CUX1: variants seen among roughly 807,000 people sequenced by gnomAD.
The protein encoded by CUX1 is protein CASP.
A neutral mutation model predicts 158.8 loss-of-function variants in CUX1; 31 were observed. That is an observed-to-expected ratio of 0.20 (90% confidence interval 0.15 to 0.26). CUX1 has a LOEUF of 0.26. CUX1 is among the 10% of genes least tolerant of loss of function. CUX1 has a pLI of 1.00. For synonymous variants in CUX1, 879 were observed against 862.1 expected (o/e 1.02, Z -0.34); for missense variants, 1,589 against 2,014.6 (o/e 0.79, Z 4.04).
rs1450534111 is a variant in CUX1, at chr7:102,251,993, T to G, written c.*2951T>G. The G allele has an allele frequency of 1.2e-5, 12 of 985,336 alleles. No homozygotes were observed. The highest frequency in any genetic ancestry group is 1.4e-5 in the Non-Finnish European group (12 of 829,934). The allele number at this position is 985,336 out of a possible 1,614,324, so 61.0% of individuals were successfully genotyped here. A position where few individuals can be genotyped will look rare whatever the true frequency, so the allele number is the denominator to read the frequency against. Reference sequence around the variant, plus strand: ...TTTTCTCTTTTCTGTTTTTACTTCTTAGATTTTTAACTAGGTTACTGTTGG... The same window carrying G: ...TTTTCTCTTTTCTGTTTTTACTTCTGAGATTTTTAACTAGGTTACTGTTGG... On this transcript the variant is annotated 3_prime_UTR_variant, in exon 24 of 24. Transcript: ENST00000292535.
chr7:102,262,395 CATGG>C (rs55973199), downstream of CUX1, among the ~76,000 whole-genome samples: 290 of 143,282 alleles, frequency 2.0e-3, 1 homozygote, highest in Admixed American at 5.4e-3. Flanking sequence ...AAGACTCCAT[CATGG>C]ATGGATGGAT....
At chr7:102,099,008 G>T (rs1432824211) in intron 5 of CUX1, among the ~76,000 whole-genome samples, 1 of 151,970 alleles carries the variant, frequency 6.6e-6, no homozygotes, top group Admixed American at 6.6e-5. Flanking sequence ...AAACACTGCA[G>T]ATAGACCAGG....
chr7:102,068,538 G>C (rs113824605), intron 3 of CUX1, among the ~76,000 whole-genome samples: 2 of 152,036 alleles, frequency 1.3e-5, no homozygotes, highest in Admixed American at 1.3e-4. Flanking sequence ...CTTGCATTGC[G>C]CTAGGCTGCT....
chr7:101,897,725 C>G (rs1195113517), intron 1 of CUX1, among the ~76,000 whole-genome samples: 1 of 152,016 alleles, frequency 6.6e-6, no homozygotes, highest in Non-Finnish European at 1.5e-5. Context: ...ATTATCATCC[C>G]CAAATCTTTA....
Position 102,254,736 on chromosome 7 carries a change from G to C in CUX1, c.*5694G>C. ...GAAGCCTTTGTGACCACAAGGGCAG[G>C]GCTTGTGCCCTGAGTGGCGAGGTGG... is the stretch of plus-strand genomic sequence containing the variant. On this transcript the variant is annotated 3_prime_UTR_variant, in exon 24 of 24. Transcript: ENST00000292535. 1.0e-6 allele frequency: 1 copy of C among 985,514 alleles called. No individual in the cohort carries two copies. The highest frequency in any genetic ancestry group is 1.2e-6 in the Non-Finnish European group (1 of 829,968). The allele number at this position is 985,514 out of a possible 1,614,324, so 61.0% of individuals were successfully genotyped here. A position where few individuals can be genotyped will look rare whatever the true frequency, so the allele number is the denominator to read the frequency against.
intron 2 of CUX1, among the ~76,000 whole-genome samples, chr7:101,944,241 G>A (rs1808089799): frequency 6.6e-6 from 1 of 152,136 alleles, no homozygotes; most frequent in African/African-American, 2.4e-5. Flanking sequence ...CAAGAGTCCT[G>A]CAGGATGGAG....
chr7:102,161,876 G>A (rs1790461558), intron 9 of CUX1, among the ~76,000 whole-genome samples: 1 of 152,148 alleles, frequency 6.6e-6, no homozygotes, highest in Non-Finnish European at 1.5e-5. Flanking sequence ...CCTAAGTGCT[G>A]GGGTTACAGG....
intron 15 of CUX1, chr7:102,273,553 G>A: frequency 6.4e-7 from 1 of 1,551,934 alleles, no homozygotes; most frequent in Non-Finnish European, 8.7e-7. Flanking sequence ...CTTAGCCTCT[G>A]CAAACACTGA....
At chr7:101,839,672 CTT>C (rs111309493) in intron 1 of CUX1, among the ~76,000 whole-genome samples, 9 of 147,102 alleles carry the variant, frequency 6.1e-5, no homozygotes, top group African/African-American at 2.2e-4. Context: ...ATTTTGTCCT[CTT>C]TTTTTTTTTC....
intron 2 of CUX1, among the ~76,000 whole-genome samples, chr7:102,006,294 C>G (rs983594764): frequency 6.6e-6 from 1 of 152,144 alleles, no homozygotes; most frequent in African/African-American, 2.4e-5. Context: ...AACAGGGAAG[C>G]CTCGTCAGGC....
chr7:101,927,421 G>T (rs1805719246), intron 2 of CUX1, among the ~76,000 whole-genome samples: 1 of 152,166 alleles, frequency 6.6e-6, no homozygotes, highest in Non-Finnish European at 1.5e-5. Context: ...CACTTTGGAG[G>T]CTGAGGTGGG....
At chr7:102,136,751 G>A (rs1833952233) in intron 8 of CUX1, among the ~76,000 whole-genome samples, 1 of 152,192 alleles carries the variant, frequency 6.6e-6, no homozygotes, top group Admixed American at 6.5e-5. Flanking sequence ...ATTTAATGCA[G>A]CTGCACATAA....
intron 14 of CUX1, among the ~76,000 whole-genome samples, chr7:102,264,004 CTTTT>C (rs60225596): frequency 2.0e-5 from 2 of 100,952 alleles, no homozygotes; most frequent in East Asian, 3.0e-4. Flanking sequence ...AAGTTAACTT[CTTTT>C]TTTTTTTTTT....
At chr7:102,275,754 A>G (rs1017030186) in intron 17 of CUX1, among the ~76,000 whole-genome samples, 2 of 152,168 alleles carry the variant, frequency 1.3e-5, no homozygotes, top group Non-Finnish European at 2.9e-5. Context: ...CACACCTGTA[A>G]TCCCAACACT....
At chr7:102,088,962 TC>T (rs1554481413) in intron 4 of CUX1, among the ~76,000 whole-genome samples, 1 of 152,192 alleles carries the variant, frequency 6.6e-6, no homozygotes, top group African/African-American at 2.4e-5. Context: ...TTTCCCTCTT[TC>T]TGGGAAATGT....
chr7:101,994,595 C>T (rs867052040), intron 2 of CUX1, among the ~76,000 whole-genome samples: 6 of 152,088 alleles, frequency 3.9e-5, no homozygotes, highest in African/African-American at 4.8e-5. Flanking sequence ...AGCGAGACTC[C>T]GTCTCAAACA....
chr7:102,206,291 G>A (rs534971855), intron 20 of CUX1, among the ~76,000 whole-genome samples: 6 of 152,240 alleles, frequency 3.9e-5, no homozygotes, highest in Non-Finnish European at 5.9e-5. Context: ...TCTCACCCGC[G>A]CCGTGGGTCT....
intron 1 of CUX1, among the ~76,000 whole-genome samples, chr7:101,908,226 A>G (rs1802976029): frequency 6.6e-6 from 1 of 152,192 alleles, no homozygotes; most frequent in Non-Finnish European, 1.5e-5. Flanking sequence ...TGATGGACAT[A>G]TTCTGGGGAG....
At chr7:102,275,971 C>T (rs1791577186) in intron 17 of CUX1, among the ~76,000 whole-genome samples, 1 of 148,820 alleles carries the variant, frequency 6.7e-6, no homozygotes, top group Non-Finnish European at 1.5e-5. Flanking sequence ...GAGATCGTGC[C>T]ACTGCACTCC....
Sources: allele counts gnomAD v4.1 joint callset (sites outside exome capture counted in the v4.1 genomes callset), GRCh38; gene constraint gnomAD v4.1.1; transcripts MANE v1.5; gene names NCBI Gene and HGNC (gene_info 2026-07-23, HGNC 2026-07-21).